The following ACBD4 variants were observed in gnomAD, a reference collection of about 807,000 sequenced individuals.
ACBD4 encodes the protein acyl-CoA binding domain containing 4.
ACBD4 carries 41 observed loss-of-function variants against 46.0 expected under a neutral mutation model. The observed-to-expected ratio is 0.89, with a 90% CI of 0.69 to 1.16. The LOEUF is 1.16. Among genes scored for constraint, ACBD4 ranks in the 50% most tolerant of loss-of-function variants. The pLI is 0.00. For missense variants in ACBD4, 393 were observed against 399.5 expected (o/e 0.98, Z 0.14); for synonymous variants, 162 against 155.9 (o/e 1.04, Z -0.29).
chr17:45,139,059 G>A lies in ACBD4; in HGVS notation c.688G>A (p.Asp230Asn). The A allele has an allele frequency of 6.2e-7, 1 of 1,613,832 alleles. No individual in the cohort carries two copies. Among genetic ancestry groups the A allele is most frequent in the Non-Finnish European group, 8.5e-7 (1 of 1,180,030 alleles). The change falls in exon 9 of 10, where the codon GAC becomes AAC. Residue 230 changes from aspartate to asparagine, a missense_variant. Coordinates refer to ENST00000321854, the MANE Select transcript of ACBD4 (RefSeq NM_001135705.3). ...RGSPPGPQEL[D>N]VWLLGTVRAL... ...CAGCCCGCCGGGGCCCCAGGAGTTG[G>A]ACGTGTGGCTGCTGGGGACAGTTCG...
chr17:45,138,099 C>A, intron 8 of ACBD4, 111 bp downstream of exon 8: 1 of 1,158,478 alleles, frequency 8.6e-7, no homozygotes, highest in Non-Finnish European at 1.2e-6. Flanking sequence ...CATTGCTGGG[C>A]ACTGAGCGAG....
Position 45,137,970 on chromosome 17 carries a change from G to T in ACBD4, c.631G>T (p.Val211Leu), listed in dbSNP as rs200905184. The T allele has an allele frequency of 1.2e-6, 2 of 1,613,056 alleles. No homozygotes were observed. The highest frequency in any genetic ancestry group is 2.2e-5 in the South Asian group (2 of 90,986). ...AAAGCGTGATCCCAGGAACAGCCCC[G>T]TGCCCCCCACAAAGAAAGGTGAGCT... is the stretch of plus-strand genomic sequence containing the variant. Reference protein sequence around the residue: ...GGKRDPRNSPVPPTKKEGLRG... With the variant: ...GGKRDPRNSPLPPTKKEGLRG... The change falls in exon 8 of 10, where the codon GTG (valine) becomes TTG (leucine). Residue 211 changes from valine (V) to leucine (L), a missense_variant. Around this residue, in one of 3 missense-constraint regions of ACBD4, gnomAD observed 308 missense variants for 301.8 expected, o/e 1.02. Coordinates refer to ENST00000321854, the MANE Select transcript of ACBD4 (RefSeq NM_001135705.3).
In ACBD4 at chr17:45,135,925, C is replaced by T; in HGVS notation, c.-66C>T. ...CCTCGCCACCTGCCTCGCCACCTGG[C>T]GACCCTGACCCCACCACACTGCCTT... On this transcript the variant is annotated 5_prime_UTR_variant, in exon 1 of 10. Coordinates refer to ENST00000321854, the MANE Select transcript of ACBD4 (RefSeq NM_001135705.3). The T allele has an allele frequency of 3.7e-6, 2 of 538,432 alleles. No individual in the cohort carries two copies. The highest frequency in any genetic ancestry group is 3.1e-5 in the East Asian group (1 of 31,928). 33.4% of individuals were successfully genotyped at this position (538,432 alleles called of 1,614,324 possible). A position where few individuals can be genotyped will look rare whatever the true frequency, so the allele number is the denominator to read the frequency against.
chr17:45,141,654 G>A (rs1413578126), intron 9 of ACBD4, among the ~76,000 whole-genome samples: 1 of 152,120 alleles, frequency 6.6e-6, no homozygotes, highest in East Asian at 1.9e-4. Flanking sequence ...GTGAGACCCT[G>A]TCTCAAAAAA....
chr17:45,133,886 C>T (rs1186822580), upstream of ACBD4, among the ~76,000 whole-genome samples: 2 of 152,280 alleles, frequency 1.3e-5, no homozygotes, highest in South Asian at 2.1e-4. Flanking sequence ...CCTGCCGTTC[C>T]TTCCTCCAGA....
upstream of ACBD4, among the ~76,000 whole-genome samples, chr17:45,133,593 G>A (rs1598051864): frequency 7.1e-6 from 1 of 140,252 alleles, no homozygotes; most frequent in African/African-American, 2.7e-5. Flanking sequence ...GTGCAGTGGC[G>A]GGATCTCGGC....
chr17:45,140,074 T>C (rs1443858469), intron 9 of ACBD4, among the ~76,000 whole-genome samples: 1 of 152,098 alleles, frequency 6.6e-6, no homozygotes, highest in Non-Finnish European at 1.5e-5. Context: ...GCACAGCAGG[T>C]GTGAGCCCAC....
At position 45,135,882 on chromosome 17, in the gene ACBD4, C is replaced by T. The variant is rs991584070; in HGVS notation, c.-109C>T. 9 of 456,754 alleles carry T rather than the reference C, an allele frequency of 2.0e-5. No individual in the cohort carries two copies. The highest frequency in any genetic ancestry group is 2.8e-5 in the Non-Finnish European group (7 of 250,704). The allele number at this position is 456,754 out of a possible 1,614,324, so 28.3% of individuals were successfully genotyped here. On this transcript the variant is annotated 5_prime_UTR_variant, in exon 1 of 10. Transcript: ENST00000321854. ...TAAAGGAGGCGCATCTGGGGACGGACACATCTGGCACTGAGGCCCTCGCCA... is the reference window on the plus strand; with the variant it reads ...TAAAGGAGGCGCATCTGGGGACGGATACATCTGGCACTGAGGCCCTCGCCA...
intron 9 of ACBD4, among the ~76,000 whole-genome samples, chr17:45,141,614 G>T (rs1487427004): frequency 6.6e-6 from 1 of 152,106 alleles, no homozygotes; most frequent in African/African-American, 2.4e-5. Flanking sequence ...AACTATGATG[G>T]TGTCACTGCA....
chr17:45,142,844 T>A (rs1598105632), intron 9 of ACBD4: 1 of 153,414 alleles, frequency 6.5e-6, no homozygotes, highest in African/African-American at 2.4e-5. Flanking sequence ...GCGTGAGCCA[T>A]CCCACCCGGT....
chr17:45,132,569 C>CGGGGCGGGAAGGGAAG (rs2054483870), upstream of ACBD4: 1 of 15,050 alleles, frequency 6.6e-5, no homozygotes, highest in Non-Finnish European at 1.4e-4. This position sits in a 1 kb window ranked among gnomAD's most constrained non-coding sequence, Gnocchi z 4.6. Context: ...TGGGGCGGGG[C>CGGGGCGGGAAGGGAAG]GGGGCGGGAA....
rs1448018540 is a variant in ACBD4, at chr17:45,136,193, C to G, written c.49C>G (p.Gln17Glu). ...AGAGCCCGACTGCCAGAAACAGTTCCAGGCTGCAGTGAGCGTCATCCAGAA... is the reference window on the plus strand; with the variant it reads ...AGAGCCCGACTGCCAGAAACAGTTCGAGGCTGCAGTGAGCGTCATCCAGAA... The part of the protein sequence containing the change: ...SPEPDCQKQF[Q>E]AAVSVIQNLP... The change falls in exon 2 of 10, where the codon CAG becomes GAG. Residue 17 changes from glutamine to glutamate, a missense_variant. By Grantham distance (29) the Gln-to-Glu change is conservative. This residue lies in a region of ACBD4 where 61 missense variants were observed against 50.3 expected (regional missense o/e 1.21). Transcript: ENST00000321854. 6.2e-7 allele frequency: 1 copy of G among 1,613,762 alleles called. No individual in the cohort carries two copies. Among genetic ancestry groups the G allele is most frequent in the Non-Finnish European group, 8.5e-7 (1 of 1,179,844 alleles).
Position 45,137,378 on chromosome 17 carries a change from G to A in ACBD4, c.426G>A (p.Glu142=), listed in dbSNP as rs902831303. ...GCTGTGTCTTGGCAGGTTGGAAAGA[G>A]CAGGTTGTGAATGGAGATGTTGGGG... ...TFLRRVTGWK[E]QVVNGDVGAV... Residue 142 remains glutamate, a synonymous_variant, in exon 6 of 10, where the codon GAG becomes GAA. Transcript: ENST00000321854. The A allele has an allele frequency of 6.2e-7, 1 of 1,614,034 alleles. No homozygotes were observed. The highest frequency in any genetic ancestry group is 1.7e-5 in the Admixed American group (1 of 60,008).
At chr17:45,137,514 AAGG>A in intron 6 of ACBD4, 60 bp downstream of exon 6, 2 of 1,573,946 alleles carry the variant, frequency 1.3e-6, no homozygotes, top group Non-Finnish European at 1.7e-6. Flanking sequence ...TGGAGGGGAG[AAGG>A]CTGGATGCCA....
rs115015059 is a variant in ACBD4 at position 45,139,274 on chromosome 17, C to T, written c.789+114C>T. ...CACGCCTCCACCTGCCCACATCTCTCTCCAGAGAATGGCATGGCTCCTGCT... is the reference window on the plus strand; with the variant it reads ...CACGCCTCCACCTGCCCACATCTCTTTCCAGAGAATGGCATGGCTCCTGCT... On this transcript the variant is annotated intron_variant, in intron 9 of 9. Transcript: ENST00000321854. 5.7e-4 allele frequency: 621 copies of T among 1,099,084 alleles called. 3 individuals are homozygous for T. The African/African-American group carries it at 8.8e-3, about 15-fold the overall frequency. The allele number at this position is 1,099,084 out of a possible 1,614,324, so 68.1% of individuals were successfully genotyped here. A position where few individuals can be genotyped will look rare whatever the true frequency, so the allele number is the denominator to read the frequency against.
chr17:45,138,057 T>G, intron 8 of ACBD4, 69 bp downstream of exon 8: 44 of 1,465,914 alleles, frequency 3.0e-5, no homozygotes, highest in Non-Finnish European at 3.8e-5. Flanking sequence ...AGGCTTTCTC[T>G]TGGCTGCCTT....
upstream of ACBD4, among the ~76,000 whole-genome samples, chr17:45,131,921 C>A (rs1297499689): frequency 6.6e-6 from 1 of 152,138 alleles, no homozygotes; most frequent in Admixed American, 6.5e-5. Flanking sequence ...GCTGGGGAGC[C>A]GGACGAGGGA....
chr17:45,136,420 T>C (rs2054837009), intron 2 of ACBD4, 80 bp from the exon 3 acceptor site: 1 of 1,527,544 alleles, frequency 6.5e-7, no homozygotes. Flanking sequence ...CTCTGCCCTT[T>C]CCAAGCAGGG....
chr17:45,136,691 G>A lies in ACBD4; in HGVS notation c.210-1G>A. 6.2e-7 allele frequency: 1 copy of A among 1,614,078 alleles called. No individual in the cohort carries two copies. The highest frequency in any genetic ancestry group is 8.5e-7 in the Non-Finnish European group (1 of 1,180,010). The stretch of plus-strand genomic sequence containing the variant: ...GCCCTCTCACAGCCCTCTGCCCCCA[G>A]GGACGCCTGGAACAGTCTGGGCAAG... On this transcript the variant is annotated splice_acceptor_variant, in intron 3 of 9. Coordinates refer to ENST00000321854, the MANE Select transcript of ACBD4 (RefSeq NM_001135705.3). LOFTEE classifies it high-confidence loss of function.
Sources: gnomAD v4.1 joint callset for allele counts (sites outside exome capture counted in the v4.1 genomes callset) on GRCh38, gnomAD v4.1.1 for gene constraint, gnomAD v4.1.1 regional missense constraint, Gnocchi (gnomAD v3.1) non-coding constraint, MANE v1.5 for transcripts, NCBI Gene and HGNC (gene_info 2026-07-23, HGNC 2026-07-21) for gene names.